Variants in ADAMTS3 observed in about 807,000 individuals in gnomAD.
The protein encoded by ADAMTS3 is ADAM metallopeptidase with thrombospondin type 1 motif 3.
ADAMTS3 carries 73 observed loss-of-function variants against 129.0 expected under a neutral mutation model. That is an observed-to-expected ratio of 0.57 (90% CI 0.47 to 0.69). The LOEUF (loss-of-function observed/expected upper bound fraction) is 0.69. Ranked by LOEUF, ADAMTS3 falls within the 30% of genes least tolerant of loss-of-function variation. The pLI, the probability that ADAMTS3 is intolerant of heterozygous loss-of-function variation, is 0.00. For missense variants in ADAMTS3, 1,457 were observed against 1,514.5 expected, an observed-to-expected ratio of 0.96 and a Z score of 0.63; for synonymous variants, 477 against 510.8, an observed-to-expected ratio of 0.93 and a Z score of 0.89.
chr4:72,414,928 GGTT>G lies in ADAMTS3; in HGVS notation c.545_547del (p.Glu182_Pro183delinsAla). 1 of 1,573,084 alleles carries G rather than the reference GGTT, an allele frequency of 6.4e-7. No individual in the cohort carries two copies. Among genetic ancestry groups the G allele is most frequent in the South Asian group, 1.2e-5 (1 of 84,846 alleles). ...CTCCATCTGTTTACCTCTTTCCAAG[GGTT>G]CAATGAAATACTCTTCATTATCACT... is the stretch of plus-strand genomic sequence containing the variant. On this transcript the variant is annotated inframe_deletion, in exon 4 of 22. Transcript: ENST00000286657.
intron 4 of ADAMTS3, among the ~76,000 whole-genome samples, chr4:72,349,535 T>C (rs1006316183): frequency 3.3e-5 from 5 of 152,042 alleles, no homozygotes; most frequent in African/African-American, 4.8e-5. Flanking sequence ...TCTGGAGACA[T>C]TGGCAGTTAT....
intron 13 of ADAMTS3, 37 bp from the exon 14 acceptor site, chr4:72,311,218 A>G: frequency 6.3e-7 from 1 of 1,575,854 alleles, no homozygotes; most frequent in East Asian, 2.3e-5. Flanking sequence ...CTATTTACAT[A>G]AAATGGAATG....
intron 3 of ADAMTS3, among the ~76,000 whole-genome samples, chr4:72,491,489 T>C (rs1232971135): frequency 6.6e-6 from 1 of 151,832 alleles, no homozygotes; most frequent in East Asian, 1.9e-4. Flanking sequence ...ACTATTTTGT[T>C]AAGAGTTTTT....
intron 17 of ADAMTS3, 124 bp from the exon 18 acceptor site, chr4:72,298,566 T>A: frequency 1.4e-6 from 1 of 701,842 alleles, no homozygotes; most frequent in African/African-American, 1.8e-5. Flanking sequence ...TTTCAAAAAT[T>A]ATAATGTTTT....
chr4:72,381,933 A>G (rs1038461064), intron 4 of ADAMTS3, among the ~76,000 whole-genome samples: 1 of 152,202 alleles, frequency 6.6e-6, no homozygotes, highest in Non-Finnish European at 1.5e-5. Flanking sequence ...GGATATATGT[A>G]TACCATAGGA....
intron 3 of ADAMTS3, among the ~76,000 whole-genome samples, chr4:72,445,872 T>C (rs113273513): frequency 6.6e-6 from 1 of 151,820 alleles, no homozygotes; most frequent in African/African-American, 2.4e-5. Flanking sequence ...GAAGAGAAGA[T>C]TCTAAAAACA....
chr4:72,287,491 T>G (rs924513424), intron 21 of ADAMTS3, among the ~76,000 whole-genome samples: 1 of 128,902 alleles, frequency 7.8e-6, no homozygotes. Context: ...GACAGACACA[T>G]GGAACAAGGA....
chr4:72,318,689 G>A lies in ADAMTS3; in HGVS notation c.1368C>T (p.Leu456=). 2 of 1,613,614 alleles carry A rather than the reference G, an allele frequency of 1.2e-6. No individual in the cohort carries two copies. The highest frequency in any genetic ancestry group is 8.5e-7 in the Non-Finnish European group (1 of 1,179,762). Residue 456 remains leucine, a synonymous_variant, in exon 10 of 22, where the codon CTC becomes CTT. Coordinates refer to ENST00000286657, the MANE Select transcript of ADAMTS3 (RefSeq NM_014243.3). ...LKRYIHSYDC[L]LDDPFDHDWP... is the part of the protein sequence containing the mutation. ...AATCATGATCAAAAGGGTCATCAAG[G>A]AGACAGTCATAGGAACTGTAGGAAG...
chr4:72,309,803 CAG>C (rs1168931514), intron 14 of ADAMTS3, among the ~76,000 whole-genome samples: 1 of 151,974 alleles, frequency 6.6e-6, no homozygotes, highest in Non-Finnish European at 1.5e-5. Flanking sequence ...GTAATGAAAA[CAG>C]ATGTAGCTGA....
chr4:72,464,308 G>A (rs1342652431), intron 3 of ADAMTS3, among the ~76,000 whole-genome samples: 4 of 151,968 alleles, frequency 2.6e-5, no homozygotes, highest in East Asian at 1.9e-4. Context: ...ATAGAGAGCT[G>A]CACTAGGTGA....
At chr4:72,327,842 G>A (rs1382203000) in intron 5 of ADAMTS3, among the ~76,000 whole-genome samples, 1 of 151,914 alleles carries the variant, frequency 6.6e-6, no homozygotes, top group African/African-American at 2.4e-5. Context: ...TCTTCTTTAG[G>A]TAAATTTTAA....
intron 4 of ADAMTS3, among the ~76,000 whole-genome samples, chr4:72,398,995 C>G (rs950936495): frequency 2.0e-5 from 3 of 152,218 alleles, no homozygotes; most frequent in East Asian, 1.9e-4. Flanking sequence ...TTTGACAGTA[C>G]AGGCCTTCTT....
At chr4:72,469,867 G>T (rs1026915576) in intron 3 of ADAMTS3, among the ~76,000 whole-genome samples, 4 of 152,052 alleles carry the variant, frequency 2.6e-5, no homozygotes, top group African/African-American at 4.8e-5. Context: ...GTTATTGTAA[G>T]AATACAGTAT....
At chr4:72,372,929 G>C (rs1486959589) in intron 4 of ADAMTS3, among the ~76,000 whole-genome samples, 1 of 152,050 alleles carries the variant, frequency 6.6e-6, no homozygotes, top group Non-Finnish European at 1.5e-5. Flanking sequence ...TAATTTTGCT[G>C]ACACATCTAA....
chr4:72,414,255 T>C (rs972420366), intron 4 of ADAMTS3, among the ~76,000 whole-genome samples: 2 of 151,926 alleles, frequency 1.3e-5, no homozygotes, highest in African/African-American at 2.4e-5. Context: ...ATAGAAAACT[T>C]TGATGCAACA....
chr4:72,564,816 A>G (rs769747026), intron 2 of ADAMTS3, among the ~76,000 whole-genome samples: 3 of 152,208 alleles, frequency 2.0e-5, no homozygotes, highest in Non-Finnish European at 2.9e-5. Context: ...GGGTTGAAGC[A>G]TATAAGATAT....
intron 4 of ADAMTS3, among the ~76,000 whole-genome samples, chr4:72,405,546 A>C (rs1722029854): frequency 6.6e-6 from 1 of 152,152 alleles, no homozygotes; most frequent in Non-Finnish European, 1.5e-5. Flanking sequence ...AGGCCTGGAG[A>C]CTATATCACA....
chr4:72,479,737 T>C (rs36179249), intron 3 of ADAMTS3, among the ~76,000 whole-genome samples: 34,723 of 151,962 alleles, frequency 0.23, 4,400 homozygotes, highest in Non-Finnish European at 0.29. Context: ...CAAAAGAAAC[T>C]ACCATCAGAG....
chr4:72,524,393 G>C (rs565779935), intron 3 of ADAMTS3, among the ~76,000 whole-genome samples: 1 of 152,088 alleles, frequency 6.6e-6, no homozygotes, highest in East Asian at 1.9e-4. Context: ...TCAAAGTTGA[G>C]GCAATAACAG....
Sources: gnomAD v4.1 joint callset for allele counts (sites outside exome capture counted in the v4.1 genomes callset) on GRCh38, gnomAD v4.1.1 for gene constraint, MANE v1.5 for transcripts, NCBI Gene and HGNC (gene_info 2026-07-23, HGNC 2026-07-21) for gene names.